Variants in PLCXD3 observed in about 807,000 individuals in gnomAD.
PLCXD3 encodes PI-PLC X domain-containing protein 3.
In PLCXD3, 19 loss-of-function variants were observed where a neutral mutation model predicts 25.5. The ratio of observed to expected loss-of-function variants is 0.75; its 90% CI spans 0.52 to 1.09. The LOEUF (loss-of-function observed/expected upper bound fraction) is 1.09, where lower values mean the gene tolerates loss of function less well. Ranked by LOEUF, PLCXD3 falls within the 50% of genes least tolerant of loss-of-function variation. The pLI, the probability that PLCXD3 is intolerant of heterozygous loss-of-function variation, is 0.00. For synonymous variants in PLCXD3, 174 were observed against 137.6 expected, an observed-to-expected ratio of 1.26 and a Z score of -1.85; for missense variants, 411 against 388.1, an observed-to-expected ratio of 1.06 and a Z score of -0.50.
rs920402935 is a variant in PLCXD3, at chr5:41,309,948, A to T, written c.*3669T>A. Reference sequence around the variant, plus strand: ...AGAGTTGAAACAGCAATAGACTCAGATTGATTAGAGTGCAGTTTCAACTTG... The same window carrying T: ...AGAGTTGAAACAGCAATAGACTCAGTTTGATTAGAGTGCAGTTTCAACTTG... On this transcript the variant is annotated 3_prime_UTR_variant, in exon 3 of 3. Transcript: ENST00000377801. The T allele has an allele frequency of 3.2e-4, 48 of 152,256 alleles. No homozygotes were observed. Among genetic ancestry groups the T allele is most frequent in the African/African-American group, 1.1e-3 (47 of 41,566 alleles). 9.4% of individuals were successfully genotyped at this position (152,256 alleles called of 1,614,324 possible).
intron 2 of PLCXD3, among the ~76,000 whole-genome samples, chr5:41,362,750 A>C (rs1744823379): frequency 6.6e-6 from 1 of 152,136 alleles, no homozygotes; most frequent in African/African-American, 2.4e-5. Flanking sequence ...GGATACAGCA[A>C]CTCCTGATCA....
In PLCXD3 at chr5:41,311,823, G is replaced by A. The variant is rs1280113380; in HGVS notation, c.*1794C>T. ...ATTATTTGTGGTCTTGACATATATG[G>A]TTTTGAATTGAACTCCCTTATCTAA... On this transcript the variant is annotated 3_prime_UTR_variant, in exon 3 of 3. Coordinates refer to ENST00000377801, the MANE Select transcript of PLCXD3 (RefSeq NM_001005473.3). The A allele has an allele frequency of 6.6e-6, 1 of 152,354 alleles. No homozygotes were observed. The highest frequency in any genetic ancestry group is 2.4e-5 in the African/African-American group (1 of 41,388). 9.4% of individuals were successfully genotyped at this position (152,354 alleles called of 1,614,324 possible).
rs190386716 is a variant in PLCXD3 at position 41,337,520 on chromosome 5, A to G, written c.813-23750T>C. On this transcript the variant is annotated intron_variant, in intron 2 of 2. Transcript: ENST00000377801. ...ATTATAGCATCCAAATTTGAGTTTG[A>G]TTTTGTTTTTTAAAAGCCAAATTCA... is the stretch of plus-strand genomic sequence containing the variant. 2.6e-5 allele frequency among the ~76,000 whole-genome samples: 4 copies of G among 152,238 alleles called. No individual in the cohort carries two copies. In the East Asian group the frequency reaches 7.7e-4, roughly 29 times the overall value.
intron 1 of PLCXD3, among the ~76,000 whole-genome samples, chr5:41,421,600 C>G (rs1215203240): frequency 6.6e-6 from 1 of 152,140 alleles, no homozygotes; most frequent in Non-Finnish European, 1.5e-5. Context: ...ACTCGGGAGG[C>G]TGAGGCAGGA....
At chr5:41,441,881 C>G (rs1361582560) in intron 1 of PLCXD3, among the ~76,000 whole-genome samples, 1 of 152,190 alleles carries the variant, frequency 6.6e-6, no homozygotes, top group African/African-American at 2.4e-5. Flanking sequence ...TTTTGATCAT[C>G]TCTAAACATC....
chr5:41,331,292 T>C (rs1357735053), intron 2 of PLCXD3, among the ~76,000 whole-genome samples: 6 of 152,080 alleles, frequency 3.9e-5, no homozygotes, highest in Non-Finnish European at 5.9e-5. Context: ...AGCATTCTTA[T>C]ACACCAATAA....
intron 2 of PLCXD3, among the ~76,000 whole-genome samples, chr5:41,373,516 A>C (rs1490590140): frequency 6.6e-6 from 1 of 152,132 alleles, no homozygotes; most frequent in African/African-American, 2.4e-5. Flanking sequence ...TTGTCTCACC[A>C]TTCCTTTCCT....
At chr5:41,386,465 C>T (rs1039567851) in intron 1 of PLCXD3, among the ~76,000 whole-genome samples, 2 of 152,062 alleles carry the variant, frequency 1.3e-5, no homozygotes, top group African/African-American at 2.4e-5. Context: ...AGGAAGATTG[C>T]CCCCAAAACA....
chr5:41,421,014 T>C (rs991130235), intron 1 of PLCXD3, among the ~76,000 whole-genome samples: 4 of 152,214 alleles, frequency 2.6e-5, no homozygotes, highest in African/African-American at 7.2e-5. Context: ...ATCCCTGATA[T>C]CCTTTTACTC....
chr5:41,322,842 T>A (rs533603099), intron 2 of PLCXD3, among the ~76,000 whole-genome samples: 8 of 152,064 alleles, frequency 5.3e-5, no homozygotes, highest in African/African-American at 1.9e-4. Context: ...GGTGTTGTGA[T>A]GTGCACCTGT....
Position 41,313,375 on chromosome 5 carries a change from T to C in PLCXD3, c.*242A>G, listed in dbSNP as rs1743195773. Reference sequence around the variant, plus strand: ...TTTTGAAAAACAAAGTTACTGGTCTTTTTTTTTTATTCCTAACACTAGAAG... The same window carrying C: ...TTTTGAAAAACAAAGTTACTGGTCTCTTTTTTTTATTCCTAACACTAGAAG... On this transcript the variant is annotated 3_prime_UTR_variant, in exon 3 of 3. Transcript: ENST00000377801. 4.7e-6 allele frequency: 2 copies of C among 427,938 alleles called. No homozygotes were observed. The highest frequency in any genetic ancestry group is 9.1e-5 in the East Asian group (2 of 21,880). 26.5% of individuals were successfully genotyped at this position (427,938 alleles called of 1,614,324 possible). A position where few individuals can be genotyped will look rare whatever the true frequency, so the allele number is the denominator to read the frequency against.
At chr5:41,439,759 T>TC (rs1202811526) in intron 1 of PLCXD3, among the ~76,000 whole-genome samples, 1 of 152,204 alleles carries the variant, frequency 6.6e-6, no homozygotes, top group Non-Finnish European at 1.5e-5. Context: ...AAACTGATAG[T>TC]CCCCCATATA....
At chr5:41,346,796 T>G (rs765682044) in intron 2 of PLCXD3, among the ~76,000 whole-genome samples, 2 of 152,206 alleles carry the variant, frequency 1.3e-5, no homozygotes, top group Non-Finnish European at 2.9e-5. Context: ...AATGTGCATT[T>G]AAGCTTCCTT....
At chr5:41,430,883 T>C (rs1395127239) in intron 1 of PLCXD3, among the ~76,000 whole-genome samples, 1 of 152,204 alleles carries the variant, frequency 6.6e-6, no homozygotes, top group Non-Finnish European at 1.5e-5. Flanking sequence ...TTCCTGAAAC[T>C]TCTGTAGCCA....
rs578257650 is a variant in PLCXD3, at chr5:41,354,721, A to C, written c.812+27105T>G. Among the ~76,000 whole-genome samples, 3 of 152,192 alleles carry C rather than the reference A, an allele frequency of 2.0e-5. No individual in the cohort carries two copies. In the East Asian group the frequency reaches 5.8e-4, roughly 29 times the overall value. On this transcript the variant is annotated intron_variant, in intron 2 of 2. Coordinates refer to ENST00000377801, the MANE Select transcript of PLCXD3 (RefSeq NM_001005473.3). ...ACTCCTCTTTGGTTTCCCTACCTGT[A>C]ATATTGTCTCACTCAAACTCATTTT... is the stretch of plus-strand genomic sequence containing the variant.
At chr5:41,385,675 A>T (rs1337501945) in intron 1 of PLCXD3, among the ~76,000 whole-genome samples, 3 of 152,128 alleles carry the variant, frequency 2.0e-5, no homozygotes, top group African/African-American at 7.2e-5. Context: ...CTTCTAATGA[A>T]TTACATAGGA....
chr5:41,440,671 T>G (rs1224254098), intron 1 of PLCXD3, among the ~76,000 whole-genome samples: 1 of 152,166 alleles, frequency 6.6e-6, no homozygotes, highest in Non-Finnish European at 1.5e-5. Flanking sequence ...TAATAAGTAC[T>G]CTATGGGTGT....
chr5:41,326,474 A>T (rs1373254234), intron 2 of PLCXD3, among the ~76,000 whole-genome samples: 1 of 152,108 alleles, frequency 6.6e-6, no homozygotes, highest in Non-Finnish European at 1.5e-5. Context: ...TCCCCATATC[A>T]GCTACCATCT....
intron 1 of PLCXD3, among the ~76,000 whole-genome samples, chr5:41,487,363 C>T (rs1748542620): frequency 6.6e-6 from 1 of 152,068 alleles, no homozygotes; most frequent in African/African-American, 2.4e-5. Context: ...TTTGGGTTCT[C>T]TTTCTCTTAG....
Sources: allele counts gnomAD v4.1 joint callset (sites outside exome capture counted in the v4.1 genomes callset), GRCh38; gene constraint gnomAD v4.1.1; transcripts MANE v1.5; gene names NCBI Gene and HGNC (gene_info 2026-07-23, HGNC 2026-07-21).